Variants in CLVS1 observed in about 807,000 individuals in gnomAD.
CLVS1 encodes clavesin 1.
In CLVS1, 10 loss-of-function variants were observed where a neutral mutation model predicts 33.1. The ratio of observed to expected loss-of-function variants is 0.30; its 90% CI spans 0.19 to 0.51. CLVS1 has a LOEUF of 0.51. Among genes scored for constraint, CLVS1 ranks in the 20% least tolerant of loss-of-function variants. The pLI, the probability that CLVS1 is intolerant of heterozygous loss-of-function variation, is 0.97. For synonymous variants in CLVS1, 163 were observed against 166.1 expected (o/e 0.98, Z 0.14); for missense variants, 343 against 433.4 (o/e 0.79, Z 1.85).
chr8:61,005,839 G>A, the CLVS1 span, among the ~76,000 whole-genome samples: 12 of 152,112 alleles, frequency 7.9e-5, no homozygotes, highest in Admixed American at 6.5e-4. Flanking sequence ...TGATTGTTCC[G>A]GCACAAACAA....
intron 3 of CLVS1, among the ~76,000 whole-genome samples, chr8:61,398,806 G>A (rs1439746798): frequency 5.3e-5 from 8 of 152,116 alleles, no homozygotes; most frequent in African/African-American, 1.9e-4. Flanking sequence ...GTGGTATATG[G>A]TTTTCTGTTC....
chr8:61,016,747 T>C, the CLVS1 span, among the ~76,000 whole-genome samples: 4 of 152,112 alleles, frequency 2.6e-5, no homozygotes, highest in African/African-American at 9.7e-5. Context: ...GTCTGAGCAG[T>C]TTTCCGAGAC....
intron 2 of CLVS1, among the ~76,000 whole-genome samples, chr8:61,192,249 C>A (rs1220885570): frequency 6.6e-6 from 1 of 152,160 alleles, no homozygotes; most frequent in African/African-American, 2.4e-5. Context: ...TGATCTTTGA[C>A]AAACTGGACA....
intron 2 of CLVS1, among the ~76,000 whole-genome samples, chr8:61,191,256 C>T (rs1184600040): frequency 1.3e-5 from 2 of 152,148 alleles, no homozygotes; most frequent in Non-Finnish European, 2.9e-5. Context: ...AGCATGTAAA[C>T]AGAACCAAAG....
Position 61,214,386 on chromosome 8 carries a change from C to T in CLVS1, c.-152+82526C>T, listed in dbSNP as rs149779241. On this transcript the variant is annotated intron_variant, in intron 2 of 2. Transcript: ENST00000522621. ...ACCAACATGTGATGTCTCCCCCAGA[C>T]GCCCAGCTTTAAAATTTCTCTCTTT... Among the ~76,000 whole-genome samples, 491 of 152,234 alleles carry T rather than the reference C, an allele frequency of 3.2e-3. 1 individual carries two copies. Among genetic ancestry groups the T allele is most frequent in the African/African-American group, 0.011 (450 of 41,546 alleles).
chr8:61,280,920 G>T (rs192075006), intron 2 of CLVS1, among the ~76,000 whole-genome samples: 1 of 152,156 alleles, frequency 6.6e-6, no homozygotes, highest in Non-Finnish European at 1.5e-5. Context: ...GAGCCACCAC[G>T]CTTGGAGATC....
intron 2 of CLVS1, among the ~76,000 whole-genome samples, chr8:61,324,657 A>G (rs1056353933): frequency 6.6e-6 from 1 of 152,234 alleles, no homozygotes; most frequent in African/African-American, 2.4e-5. Flanking sequence ...CCTCCTAGAG[A>G]TTTGTTGAAT....
At chr8:61,243,110 T>C (rs1405179502) in intron 2 of CLVS1, among the ~76,000 whole-genome samples, 2 of 152,234 alleles carry the variant, frequency 1.3e-5, no homozygotes, top group African/African-American at 2.4e-5. Context: ...CTCAGAAGAG[T>C]ATTCATTTAA....
chr8:61,315,420 T>A (rs1158900566), intron 2 of CLVS1, among the ~76,000 whole-genome samples: 1 of 152,206 alleles, frequency 6.6e-6, no homozygotes, highest in Non-Finnish European at 1.5e-5. Flanking sequence ...CCAAATAGTG[T>A]TGCCACTGGG....
chr8:61,480,960 G>A (rs1818170544), intron 5 of CLVS1, among the ~76,000 whole-genome samples: 2 of 152,134 alleles, frequency 1.3e-5, no homozygotes, highest in Non-Finnish European at 2.9e-5. Context: ...GAGGAATATT[G>A]TTGGAGTCAT....
intron 2 of CLVS1, among the ~76,000 whole-genome samples, chr8:61,259,059 C>G (rs955587833): frequency 2.6e-5 from 4 of 152,162 alleles, no homozygotes; most frequent in African/African-American, 7.2e-5. Flanking sequence ...GGTCAAACTA[C>G]CACAGTATTG....
chr8:61,413,172 G>C (rs1186362622), intron 3 of CLVS1, among the ~76,000 whole-genome samples: 4 of 152,154 alleles, frequency 2.6e-5, no homozygotes, highest in African/African-American at 9.7e-5. Context: ...CCCAGCCCAA[G>C]ATCTATATCC....
chr8:61,054,139 C>T (rs1177820146), upstream of CLVS1, among the ~76,000 whole-genome samples: 1 of 152,222 alleles, frequency 6.6e-6, no homozygotes, highest in Non-Finnish European at 1.5e-5. Flanking sequence ...CTACATGAAA[C>T]CTTACGGAGC....
In CLVS1 at chr8:61,500,113, A is replaced by AAAG. The variant is rs1287279156; in HGVS notation, c.*572_*574dup. On this transcript the variant is annotated 3_prime_UTR_variant, in exon 6 of 6. Coordinates refer to ENST00000325897, the MANE Select transcript of CLVS1 (RefSeq NM_173519.3). ...TGTTCTCATAGGTCTGGGTATTTGC[A>AAAG]AAGTTTGCTTATTTTGATGATATCC... 2.6e-5 allele frequency: 4 copies of AAAG among 152,756 alleles called. No homozygotes were observed. Among genetic ancestry groups the AAAG allele is most frequent in the East Asian group, 1.9e-4 (1 of 5,184 alleles). 9.5% of individuals were successfully genotyped at this position (152,756 alleles called of 1,614,324 possible). A position where few individuals can be genotyped will look rare whatever the true frequency, so the allele number is the denominator to read the frequency against.
chr8:61,479,076 G>A (rs987830193), intron 5 of CLVS1, among the ~76,000 whole-genome samples: 37 of 151,954 alleles, frequency 2.4e-4, no homozygotes, highest in African/African-American at 7.3e-4. Context: ...TGCTCTTCTC[G>A]TGGAGTATCT....
chr8:61,440,032 C>T (rs1365574807), intron 3 of CLVS1, among the ~76,000 whole-genome samples: 1 of 152,202 alleles, frequency 6.6e-6, no homozygotes, highest in Non-Finnish European at 1.5e-5. Flanking sequence ...ATTAGCTCTT[C>T]CCTAAGGAAC....
intron 3 of CLVS1, among the ~76,000 whole-genome samples, chr8:61,412,714 C>A (rs1238065800): frequency 1.3e-5 from 2 of 152,184 alleles, no homozygotes; most frequent in African/African-American, 4.8e-5. Flanking sequence ...CCAGGAACAA[C>A]AGGAGCCAGT....
chr8:61,028,881 C>T, the CLVS1 span, among the ~76,000 whole-genome samples: 3 of 152,206 alleles, frequency 2.0e-5, no homozygotes, highest in Admixed American at 6.5e-5. Context: ...TTCTTACTGT[C>T]TGCTGGAGCT....
intron 2 of CLVS1, among the ~76,000 whole-genome samples, chr8:61,186,205 G>A (rs998582118): frequency 6.6e-6 from 1 of 152,198 alleles, no homozygotes; most frequent in South Asian, 2.1e-4. Flanking sequence ...GCTTGGAATT[G>A]AAGAAGAAAA....
Sources: allele counts gnomAD v4.1 joint callset (sites outside exome capture counted in the v4.1 genomes callset), GRCh38; gene constraint gnomAD v4.1.1; transcripts MANE v1.5; gene names NCBI Gene and HGNC (gene_info 2026-07-23, HGNC 2026-07-21).